Variants in BIRC6 observed in about 807,000 individuals in gnomAD.
The protein encoded by BIRC6 is baculoviral IAP repeat containing 6.
A neutral mutation model predicts 503.3 loss-of-function variants in BIRC6; 98 were observed. The ratio of observed to expected loss-of-function variants is 0.19; its 90% confidence interval spans 0.17 to 0.23. The LOEUF is 0.23. Among genes scored for constraint, BIRC6 ranks in the 10% least tolerant of loss-of-function variants. BIRC6 has a pLI of 1.00. For synonymous variants in BIRC6, 2,240 were observed against 2,078.7 expected (o/e 1.08, Z -2.11); for missense variants, 5,360 against 5,806.0 (o/e 0.92, Z 2.50).
chr2:32,484,374 A>C (rs1162783895), intron 39 of BIRC6, among the ~76,000 whole-genome samples: 1 of 152,090 alleles, frequency 6.6e-6, no homozygotes, highest in African/African-American at 2.4e-5. Context: ...CAACATGGTG[A>C]AACCCCATCT....
chr2:32,380,422 T>A (rs2037452765), intron 3 of BIRC6, 132 bp downstream of exon 3: 14 of 1,243,408 alleles, frequency 1.1e-5, no homozygotes, highest in Non-Finnish European at 2.1e-6. Context: ...AGAATGTGCT[T>A]ATAAGTCATC....
chr2:32,591,999 G>A lies in BIRC6; in HGVS notation c.13356-1916G>A, dbSNP rs536615029. Among the ~76,000 whole-genome samples the A allele has an allele frequency of 2.2e-4, 33 of 152,274 alleles. No individual in the cohort carries two copies. The South Asian group carries it at 6.0e-3, about 28-fold the overall frequency. The stretch of plus-strand genomic sequence containing the variant: ...TCTACCAGAATCATGTCTTTATTAA[G>A]AAGTGACTCACTGTTAAACTACAGT... On this transcript the variant is annotated intron_variant, in intron 66 of 73. Transcript: ENST00000421745.
In BIRC6 at chr2:32,499,750, C is replaced by T. The variant is rs748964822; in HGVS notation, c.8672C>T (p.Ala2891Val). Residue 2891 changes from alanine to valine, a missense_variant, in exon 46 of 74, where the codon GCA becomes GTA. Ala to Val is a moderately conservative substitution (Grantham distance 64, BLOSUM62 0). Transcript: ENST00000421745. ...SGSDSSVGAR[A>V]CFGGLFANLI... The stretch of plus-strand genomic sequence containing the variant: ...TCAGATAGCTCCGTGGGTGCTCGAG[C>T]ATGCTTTGGGGGACTCTTTGCCAAT... The T allele has an allele frequency of 1.2e-6, 2 of 1,613,962 alleles. No homozygotes were observed. Among genetic ancestry groups the T allele is most frequent in the Non-Finnish European group, 8.5e-7 (1 of 1,179,846 alleles).
Position 32,468,417 on chromosome 2 carries a change from T to C in BIRC6, c.5781-20T>C. On this transcript the variant is annotated intron_variant, in intron 28 of 73. Transcript: ENST00000421745. Reference sequence around the variant, plus strand: ...GAGGACATTACAAGAATTATTTTGTTCAATCTTTTTTTACTTTAGGTATAA... The same window carrying C: ...GAGGACATTACAAGAATTATTTTGTCCAATCTTTTTTTACTTTAGGTATAA... 6.6e-7 allele frequency: 1 copy of C among 1,519,292 alleles called. No individual in the cohort carries two copies. The highest frequency in any genetic ancestry group is 8.9e-7 in the Non-Finnish European group (1 of 1,127,208). The allele number at this position is 1,519,292 out of a possible 1,614,324, so 94.1% of individuals were successfully genotyped here.
chr2:32,371,622 A>G (rs1040119129), intron 1 of BIRC6, among the ~76,000 whole-genome samples: 45 of 152,176 alleles, frequency 3.0e-4, no homozygotes, highest in Middle Eastern at 3.4e-3. Context: ...AGCTCAGGCA[A>G]TCCGCCCGCC....
intron 4 of BIRC6, among the ~76,000 whole-genome samples, chr2:32,391,080 C>T (rs1209093034): frequency 6.6e-6 from 1 of 152,098 alleles, no homozygotes; most frequent in Non-Finnish European, 1.5e-5. Flanking sequence ...GAGATCTATG[C>T]CTATTTTGAG....
At chr2:32,389,832 A>G (rs2038979564) in intron 4 of BIRC6, among the ~76,000 whole-genome samples, 1 of 147,394 alleles carries the variant, frequency 6.8e-6, no homozygotes, top group Admixed American at 6.7e-5. Flanking sequence ...GAGTAGCTGG[A>G]ATTATAACCG....
intron 50 of BIRC6, among the ~76,000 whole-genome samples, chr2:32,505,779 A>C (rs2053727880): frequency 6.6e-6 from 1 of 152,226 alleles, no homozygotes; most frequent in Admixed American, 6.5e-5. Flanking sequence ...CAAATAATTC[A>C]AAATAATTTT....
intron 68 of BIRC6, among the ~76,000 whole-genome samples, chr2:32,596,711 G>A (rs530263592): frequency 6.6e-6 from 1 of 152,204 alleles, no homozygotes; most frequent in East Asian, 1.9e-4. Flanking sequence ...ATTTCGTTCC[G>A]CTTCCTGGGT....
At chr2:32,395,633 T>A (rs751509414) in intron 6 of BIRC6, 40 bp downstream of exon 6, 69 of 1,497,654 alleles carry the variant, frequency 4.6e-5, no homozygotes, top group Non-Finnish European at 6.2e-5. Flanking sequence ...GCTAAGTCAG[T>A]CGTGTAAATA....
intron 73 of BIRC6, among the ~76,000 whole-genome samples, chr2:32,616,047 C>A (rs763839777): frequency 7.2e-5 from 11 of 152,126 alleles, no homozygotes; most frequent in Admixed American, 3.3e-4. Context: ...AATTAACATG[C>A]CTATATCCTT....
intron 9 of BIRC6, among the ~76,000 whole-genome samples, chr2:32,414,461 G>A (rs1249093651): frequency 6.6e-6 from 1 of 152,126 alleles, no homozygotes; most frequent in Non-Finnish European, 1.5e-5. Flanking sequence ...GAGGTCAGGA[G>A]TTTGAGACCA....
chr2:32,417,891 G>T (rs1054159950), intron 10 of BIRC6, among the ~76,000 whole-genome samples: 1 of 151,972 alleles, frequency 6.6e-6, no homozygotes, highest in African/African-American at 2.4e-5. Flanking sequence ...GTGATTCTCC[G>T]GCCTTAGCCT....
chr2:32,367,486 AAAC>A (rs2035124365), intron 1 of BIRC6, among the ~76,000 whole-genome samples: 1 of 151,868 alleles, frequency 6.6e-6, no homozygotes, highest in Non-Finnish European at 1.5e-5. Flanking sequence ...AAAAAACGAA[AAAC>A]AACAAAACAG....
At chr2:32,583,242 T>G (rs996469047) in intron 66 of BIRC6, among the ~76,000 whole-genome samples, 2 of 152,244 alleles carry the variant, frequency 1.3e-5, no homozygotes, top group African/African-American at 4.8e-5. Flanking sequence ...AAGTTGACAA[T>G]TCTTTAGGCA....
intron 65 of BIRC6, among the ~76,000 whole-genome samples, chr2:32,554,219 G>A (rs1051637503): frequency 1.3e-5 from 2 of 152,126 alleles, no homozygotes; most frequent in African/African-American, 2.4e-5. Flanking sequence ...TAACTTAGTG[G>A]GGTATGCTAC....
At chr2:32,591,275 A>G (rs2061364803) in intron 66 of BIRC6, among the ~76,000 whole-genome samples, 1 of 152,200 alleles carries the variant, frequency 6.6e-6, no homozygotes, top group South Asian at 2.1e-4. Flanking sequence ...TGAAATATAT[A>G]TCATTTCTTT....
In BIRC6 at chr2:32,535,150, CAAAAAAAAAAAAAA is replaced by C. The variant is rs1158856665; in HGVS notation, c.12291+3612_12291+3625del. On this transcript the variant is annotated intron_variant, in intron 61 of 73. Coordinates refer to ENST00000421745, the MANE Select transcript of BIRC6 (RefSeq NM_016252.4). ...ACAAGACCTCATACCCCCAAAAAAGCAAAAAAAAAAAAAAAAAAAAAAAAAAGCTAAGACAATGA... is the reference window on the plus strand; with the variant it reads ...ACAAGACCTCATACCCCCAAAAAAGCAAAAAAAAAAAAGCTAAGACAATGA... Among the ~76,000 whole-genome samples, 24 of 7,276 alleles carry C rather than the reference CAAAAAAAAAAAAAA, an allele frequency of 3.3e-3. 1 individual carries two copies. The South Asian group carries it at 0.058, about 18-fold the overall frequency. 4.8% of individuals were successfully genotyped at this position (7,276 alleles called of 152,430 possible).
At chr2:32,467,335 A>G (rs1437894182) in intron 26 of BIRC6, among the ~76,000 whole-genome samples, 190 bp from the exon 27 acceptor site, 1 of 152,176 alleles carries the variant, frequency 6.6e-6, no homozygotes, top group Non-Finnish European at 1.5e-5. Context: ...GTTCAAAACT[A>G]ACACAGACTG....
Sources: allele counts gnomAD v4.1 joint callset (sites outside exome capture counted in the v4.1 genomes callset), GRCh38; gene constraint gnomAD v4.1.1; transcripts MANE v1.5; gene names NCBI Gene and HGNC (gene_info 2026-07-23, HGNC 2026-07-21).